CDH13: variants seen among roughly 807,000 people sequenced by gnomAD.
CDH13 encodes the protein cadherin-13.
Under a neutral mutation model 63.8 loss-of-function variants are expected in CDH13, and 24 were observed. The observed-to-expected ratio is 0.38, with a 90% confidence interval of 0.27 to 0.53. The LOEUF is 0.53. Among genes scored for constraint, CDH13 ranks in the 20% least tolerant of loss-of-function variants. The pLI is 0.85. For missense variants in CDH13, 1,049 were observed against 903.1 expected, an observed-to-expected ratio of 1.16 and a Z score of -2.07; for synonymous variants, 503 against 355.3, an observed-to-expected ratio of 1.42 and a Z score of -4.67.
intron 10 of CDH13, among the ~76,000 whole-genome samples, chr16:83,698,886 C>T (rs1001864531): frequency 6.6e-6 from 1 of 152,262 alleles, no homozygotes; most frequent in East Asian, 1.9e-4. Flanking sequence ...TGTGAATAGG[C>T]ATGGCTGTGT....
intron 5 of CDH13, among the ~76,000 whole-genome samples, chr16:83,272,956 C>T (rs1202068304): frequency 1.3e-5 from 2 of 152,096 alleles, no homozygotes; most frequent in African/African-American, 2.4e-5. Context: ...TAATATAGTA[C>T]AGTGAGCTCG....
At chr16:83,338,189 A>AC (rs1301381687) in intron 5 of CDH13, among the ~76,000 whole-genome samples, 1 of 150,608 alleles carries the variant, frequency 6.6e-6, no homozygotes, top group Non-Finnish European at 1.5e-5. Flanking sequence ...CTTTTTAAAA[A>AC]AAAAAAAAAA....
intron 5 of CDH13, among the ~76,000 whole-genome samples, chr16:83,317,142 A>G (rs974431904): frequency 6.6e-6 from 1 of 152,182 alleles, no homozygotes; most frequent in African/African-American, 2.4e-5. Flanking sequence ...CAGAAAAGTC[A>G]CCCACCATTA....
chr16:82,984,271 G>A (rs1030891209), intron 2 of CDH13, among the ~76,000 whole-genome samples: 7 of 152,160 alleles, frequency 4.6e-5, no homozygotes, highest in East Asian at 1.9e-4. Flanking sequence ...CAGAATTCCC[G>A]GAACCACCCC....
chr16:83,761,718 A>G (rs1367949336), intron 11 of CDH13, among the ~76,000 whole-genome samples: 1 of 152,210 alleles, frequency 6.6e-6, no homozygotes, highest in African/African-American at 2.4e-5. Context: ...GGAACTTAGC[A>G]TATTTAAGAA....
At chr16:83,073,259 G>A (rs780919173) in intron 3 of CDH13, among the ~76,000 whole-genome samples, 1 of 151,986 alleles carries the variant, frequency 6.6e-6, no homozygotes, top group Non-Finnish European at 1.5e-5. Flanking sequence ...AAGAAACAGA[G>A]TTCGAGGTTG....
At chr16:83,317,181 T>C (rs1184717771) in intron 5 of CDH13, among the ~76,000 whole-genome samples, 1 of 152,188 alleles carries the variant, frequency 6.6e-6, no homozygotes, top group Non-Finnish European at 1.5e-5. Flanking sequence ...TCAGCAGTGC[T>C]AAGACTGAGA....
At chr16:82,913,661 T>G (rs943858318) in intron 2 of CDH13, among the ~76,000 whole-genome samples, 12 of 152,234 alleles carry the variant, frequency 7.9e-5, no homozygotes, top group Non-Finnish European at 1.5e-4. Flanking sequence ...AGAGCTGCTG[T>G]GACAGAGTAA....
chr16:82,750,031 T>G (rs918274039), intron 1 of CDH13, among the ~76,000 whole-genome samples: 1 of 151,956 alleles, frequency 6.6e-6, no homozygotes, highest in Non-Finnish European at 1.5e-5. Flanking sequence ...GAATCCCCCA[T>G]AACCCTTTAA....
At chr16:83,480,542 G>T (rs1385043441) in intron 6 of CDH13, among the ~76,000 whole-genome samples, 1 of 152,166 alleles carries the variant, frequency 6.6e-6, no homozygotes, top group Admixed American at 6.5e-5. Flanking sequence ...TGTTTGGGGT[G>T]GCCAGTTGAG....
chr16:83,365,731 A>G (rs1320761414), intron 6 of CDH13, among the ~76,000 whole-genome samples: 2 of 152,242 alleles, frequency 1.3e-5, no homozygotes, highest in Non-Finnish European at 2.9e-5. Flanking sequence ...ATGCAGCAGC[A>G]GAGAAGAGTT....
At chr16:83,574,224 T>C (rs558435507) in intron 7 of CDH13, among the ~76,000 whole-genome samples, 103 of 152,254 alleles carry the variant, frequency 6.8e-4, no homozygotes, top group African/African-American at 2.4e-3. Flanking sequence ...GTCGTCATTA[T>C]TTTTTGTCTC....
At chr16:82,877,911 A>G (rs931451686) in intron 2 of CDH13, among the ~76,000 whole-genome samples, 2 of 139,298 alleles carry the variant, frequency 1.4e-5, no homozygotes, top group Non-Finnish European at 3.1e-5. Context: ...GTGGAAATAC[A>G]TACATACACA....
At chr16:83,040,957 A>C (rs1248168451) in intron 3 of CDH13, among the ~76,000 whole-genome samples, 2 of 152,206 alleles carry the variant, frequency 1.3e-5, no homozygotes, top group Admixed American at 1.3e-4. Flanking sequence ...GTATATATTC[A>C]GGATTATGGG....
intron 12 of CDH13, among the ~76,000 whole-genome samples, chr16:83,780,423 C>T (rs1033673794): frequency 1.1e-4 from 17 of 152,208 alleles, no homozygotes; most frequent in African/African-American, 4.1e-4. Context: ...CTTCTGCTTC[C>T]TCTCTGATAT....
intron 11 of CDH13, among the ~76,000 whole-genome samples, chr16:83,752,747 A>G (rs1673909127): frequency 6.6e-6 from 1 of 152,226 alleles, no homozygotes; most frequent in Non-Finnish European, 1.5e-5. Context: ...CATATACAAA[A>G]TGAAGAAGAT....
chr16:83,488,078 G>C (rs1227672323), intron 7 of CDH13, among the ~76,000 whole-genome samples: 4 of 152,210 alleles, frequency 2.6e-5, no homozygotes, highest in Non-Finnish European at 4.4e-5. Context: ...GTAACCACTA[G>C]TCACATGGGG....
intron 2 of CDH13, among the ~76,000 whole-genome samples, chr16:82,989,794 G>T (rs993677879): frequency 6.6e-6 from 1 of 152,148 alleles, no homozygotes; most frequent in Admixed American, 6.5e-5. Context: ...CTTTAACCAG[G>T]CAATGTGATT....
At chr16:83,215,695 G>A (rs909271145) in intron 4 of CDH13, among the ~76,000 whole-genome samples, 3 of 152,018 alleles carry the variant, frequency 2.0e-5, no homozygotes, top group African/African-American at 7.2e-5. Flanking sequence ...GGAGAGGGCA[G>A]GTTTCCTGTC....
Sources: gnomAD v4.1 joint callset for allele counts (sites outside exome capture counted in the v4.1 genomes callset) on GRCh38, gnomAD v4.1.1 for gene constraint, MANE v1.5 for transcripts, NCBI Gene and HGNC (gene_info 2026-07-23, HGNC 2026-07-21) for gene names.